Variants in CELF2 observed in about 807,000 individuals in gnomAD.
CELF2 encodes the protein CUGBP Elav-like family member 2, also known as CUG triplet repeat RNA-binding protein 2.
In CELF2, 8 loss-of-function variants were observed where a neutral mutation model predicts 62.6. The ratio of observed to expected loss-of-function variants is 0.13; its 90% CI spans 0.07 to 0.23. The LOEUF is 0.23. CELF2 is among the 10% of genes least tolerant of loss of function. The pLI is 1.00. For missense variants in CELF2, 333 were observed against 671.0 expected, an observed-to-expected ratio of 0.50 and a Z score of 5.56; for synonymous variants, 258 against 250.0, an observed-to-expected ratio of 1.03 and a Z score of -0.30.
At chr10:10,630,834 G>A in the CELF2 span, among the ~76,000 whole-genome samples, 2 of 152,126 alleles carry the variant, frequency 1.3e-5, no homozygotes, top group Non-Finnish European at 2.9e-5. Flanking sequence ...AAACTGCATA[G>A]GTGAAACATT....
the CELF2 span, among the ~76,000 whole-genome samples, chr10:10,465,323 C>A: frequency 6.6e-6 from 1 of 152,080 alleles, no homozygotes; most frequent in African/African-American, 2.4e-5. Flanking sequence ...GTAAGAAATG[C>A]AGCAGGTAGA....
intron 1 of CELF2, among the ~76,000 whole-genome samples, chr10:11,113,430 G>T (rs1469641250): frequency 6.6e-6 from 1 of 152,174 alleles, no homozygotes; most frequent in Non-Finnish European, 1.5e-5. Flanking sequence ...TCACTAATTG[G>T]TTGTTAAGGG....
chr10:10,843,426 TG>T (rs1229539221), intron 1 of CELF2, among the ~76,000 whole-genome samples: 8 of 152,032 alleles, frequency 5.3e-5, no homozygotes, highest in Non-Finnish European at 1.0e-4. Context: ...ATGCAGATAA[TG>T]CTACATATTT....
chr10:10,600,573 G>A, the CELF2 span, among the ~76,000 whole-genome samples: 1 of 152,300 alleles, frequency 6.6e-6, no homozygotes, highest in Non-Finnish European at 1.5e-5. Flanking sequence ...AGAACTTTGG[G>A]AAAAGCTTTT....
the CELF2 span, among the ~76,000 whole-genome samples, chr10:10,574,872 G>GCTTTTT: frequency 1.3e-4 from 14 of 106,012 alleles, 3 homozygotes; most frequent in African/African-American, 1.6e-4. Flanking sequence ...ACCATGCCTG[G>GCTTTTT]TTTTTTTTTT....
intron 2 of CELF2, among the ~76,000 whole-genome samples, chr10:11,210,020 T>G (rs1175887504): frequency 1.3e-5 from 2 of 151,976 alleles, no homozygotes; most frequent in Non-Finnish European, 2.9e-5. Context: ...GAAAAAAAAA[T>G]AGCGGGTTCA....
intron 1 of CELF2, among the ~76,000 whole-genome samples, chr10:11,032,255 C>T (rs1227839104): frequency 6.6e-6 from 1 of 150,538 alleles, no homozygotes; most frequent in Non-Finnish European, 1.5e-5. Flanking sequence ...CCATCCTGGT[C>T]AATTTTACTC....
the CELF2 span, among the ~76,000 whole-genome samples, chr10:10,637,843 C>G: frequency 2.0e-5 from 3 of 152,134 alleles, no homozygotes; most frequent in African/African-American, 7.2e-5. Context: ...CACTAAATTC[C>G]ACATCTGAAT....
chr10:10,663,279 A>G, the CELF2 span, among the ~76,000 whole-genome samples: 1 of 152,208 alleles, frequency 6.6e-6, no homozygotes, highest in African/African-American at 2.4e-5. Context: ...GTTGTTCAGA[A>G]GCAAGCGGCT....
chr10:10,732,191 C>G, the CELF2 span, among the ~76,000 whole-genome samples: 1 of 152,154 alleles, frequency 6.6e-6, no homozygotes, highest in African/African-American at 2.4e-5. Context: ...CCGGCATGCA[C>G]AGCTAGGCTC....
Position 11,332,858 on chromosome 10 carries a change from CCT to C in CELF2, c.*3808_*3809del, listed in dbSNP as rs2096055086. The C allele has an allele frequency of 6.6e-6, 1 of 152,648 alleles. No individual in the cohort carries two copies. The highest frequency in any genetic ancestry group is 2.1e-4 in the South Asian group (1 of 4,832). The allele number at this position is 152,648 out of a possible 1,614,324, so 9.5% of individuals were successfully genotyped here. ...TACTACTGCTGGGGCCTTCCTTCAT[CCT>C]CTGAGGGCTATTTTGTACTTTCTGC... On this transcript the variant is annotated 3_prime_UTR_variant, in exon 13 of 13. Coordinates refer to ENST00000633077, the MANE Select transcript of CELF2 (RefSeq NM_001326342.2).
chr10:10,681,276 G>A, the CELF2 span, among the ~76,000 whole-genome samples: 2 of 152,070 alleles, frequency 1.3e-5, no homozygotes, highest in Admixed American at 1.3e-4. Flanking sequence ...TATTTTAATG[G>A]TCTGAAAAGT....
the CELF2 span, among the ~76,000 whole-genome samples, chr10:10,555,498 A>C: frequency 6.6e-6 from 1 of 152,208 alleles, no homozygotes; most frequent in East Asian, 1.9e-4. Context: ...TTTCTTTTTC[A>C]GAATGGGACC....
At chr10:10,686,467 G>A in the CELF2 span, among the ~76,000 whole-genome samples, 3 of 152,088 alleles carry the variant, frequency 2.0e-5, no homozygotes, top group African/African-American at 7.2e-5. Context: ...GCAGTGTTAT[G>A]GTTTGGCTCT....
the CELF2 span, among the ~76,000 whole-genome samples, chr10:10,767,812 C>T: frequency 1.3e-5 from 2 of 151,850 alleles, no homozygotes; most frequent in South Asian, 2.1e-4. Flanking sequence ...CTGGCTAACA[C>T]GGTGAAACCC....
chr10:10,951,811 T>G (rs1243581119), intron 2 of CELF2: 1 of 152,268 alleles, frequency 6.6e-6, no homozygotes, highest in Non-Finnish European at 1.5e-5. Flanking sequence ...GCCTTTCTCC[T>G]CCCATGGGCC....
rs2140030585 is a variant in CELF2, at chr10:11,297,710, C to T, written c.976+9158C>T. Among the ~76,000 whole-genome samples the T allele has an allele frequency of 6.6e-6, 1 of 152,314 alleles. No individual in the cohort carries two copies. The highest frequency in any genetic ancestry group is 2.4e-5 in the African/African-American group (1 of 41,572). ...ATGGGGCCAGTCATGGCAGTTCACACCTGTAATCCCAGCACTTTGGGAGGC... is the reference window on the plus strand; with the variant it reads ...ATGGGGCCAGTCATGGCAGTTCACATCTGTAATCCCAGCACTTTGGGAGGC... On this transcript the variant is annotated intron_variant, in intron 9 of 12. Transcript: ENST00000633077. This position sits in a 1 kb window ranked among gnomAD's most constrained non-coding sequence, Gnocchi z 4.4.
At chr10:10,686,795 T>A in the CELF2 span, among the ~76,000 whole-genome samples, 1 of 152,176 alleles carries the variant, frequency 6.6e-6, no homozygotes, top group Non-Finnish European at 1.5e-5. Flanking sequence ...CAGATGTGTC[T>A]TCATAGCAGC....
chr10:10,723,827 C>G, the CELF2 span, among the ~76,000 whole-genome samples: 1 of 152,166 alleles, frequency 6.6e-6, no homozygotes, highest in African/African-American at 2.4e-5. Flanking sequence ...TATTTGAAGT[C>G]ACATCTCATT....
Sources: gnomAD v4.1 joint callset for allele counts (sites outside exome capture counted in the v4.1 genomes callset) on GRCh38, gnomAD v4.1.1 for gene constraint, Gnocchi (gnomAD v3.1) non-coding constraint, MANE v1.5 for transcripts, NCBI Gene and HGNC (gene_info 2026-07-23, HGNC 2026-07-21) for gene names.